PTPRZ1: variants seen among roughly 807,000 people sequenced by gnomAD.
The protein encoded by PTPRZ1 is protein tyrosine phosphatase receptor type Z1.
A neutral mutation model predicts 214.1 loss-of-function variants in PTPRZ1; 82 were observed. That is an observed-to-expected ratio of 0.38 (90% CI 0.32 to 0.46). PTPRZ1 has a LOEUF of 0.46. Among genes scored for constraint, PTPRZ1 ranks in the 20% least tolerant of loss-of-function variants. The probability of loss-of-function intolerance (pLI) is 1.00; values close to 1 mark genes in which losing one functional copy is unlikely to be tolerated. For missense variants in PTPRZ1, 2,603 were observed against 2,748.7 expected, an observed-to-expected ratio of 0.95 and a Z score of 1.19; for synonymous variants, 945 against 987.9, an observed-to-expected ratio of 0.96 and a Z score of 0.81.
chr7:121,996,239 A>G, intron 8 of PTPRZ1, 143 bp from the exon 9 acceptor site: 1 of 576,376 alleles, frequency 1.7e-6, no homozygotes, highest in Non-Finnish European at 2.9e-6. Context: ...GAAATGGAAT[A>G]AGCAAAAGCT....
chr7:121,891,453 T>C (rs1281827901), intron 1 of PTPRZ1, among the ~76,000 whole-genome samples: 4 of 81,426 alleles, frequency 4.9e-5, no homozygotes, highest in African/African-American at 1.8e-4. Flanking sequence ...AACAACCTCT[T>C]TTTTTTTTTT....
chr7:121,904,911 T>G (rs905785770), intron 1 of PTPRZ1, among the ~76,000 whole-genome samples: 4 of 152,172 alleles, frequency 2.6e-5, no homozygotes, highest in African/African-American at 9.7e-5. Context: ...TCTTTTAGCT[T>G]TTACATGAAC....
intron 27 of PTPRZ1, among the ~76,000 whole-genome samples, chr7:122,058,172 G>T (rs546226110): frequency 1.3e-5 from 2 of 151,666 alleles, no homozygotes; most frequent in South Asian, 4.2e-4. Context: ...TTGGCCCTTT[G>T]CACTTTTATG....
chr7:121,999,165 G>A (rs1389258788), intron 10 of PTPRZ1, among the ~76,000 whole-genome samples: 1 of 152,120 alleles, frequency 6.6e-6, no homozygotes, highest in Non-Finnish European at 1.5e-5. Flanking sequence ...AACGACTAAT[G>A]AATATTACTA....
At position 122,010,835 on chromosome 7, in the gene PTPRZ1, C is replaced by T; in HGVS notation, c.1789C>T (p.Pro597Ser). 6.2e-7 allele frequency: 1 copy of T among 1,614,092 alleles called. No homozygotes were observed. Among genetic ancestry groups the T allele is most frequent in the Non-Finnish European group, 8.5e-7 (1 of 1,179,990 alleles). Residue 597 changes from proline (P) to serine (S), a missense_variant, in exon 12 of 30, where the codon CCA becomes TCA. Around this residue, in one of 6 missense-constraint regions of PTPRZ1, gnomAD observed 1,913 missense variants for 1,914.3 expected, o/e 1.00. Transcript: ENST00000393386. Reference sequence around the variant, plus strand: ...CTCCAGTCCCGCAACTTCTGCTATCCCATTCATCTCTGAGAACATATCCCA... The same window carrying T: ...CTCCAGTCCCGCAACTTCTGCTATCTCATTCATCTCTGAGAACATATCCCA... The part of the protein sequence containing the change: ...SGSSPATSAI[P>S]FISENISQGY...
intron 23 of PTPRZ1, among the ~76,000 whole-genome samples, chr7:122,050,050 T>C (rs947740279): frequency 6.6e-5 from 10 of 152,186 alleles, no homozygotes; most frequent in Admixed American, 2.6e-4. Context: ...AGTAACATTG[T>C]ATCTCTACCA....
chr7:121,982,703 T>C (rs868460902), intron 6 of PTPRZ1, among the ~76,000 whole-genome samples: 1 of 152,350 alleles, frequency 6.6e-6, no homozygotes, highest in Middle Eastern at 3.4e-3. Flanking sequence ...AATTGATTTT[T>C]GTATATTGAT....
intron 2 of PTPRZ1, among the ~76,000 whole-genome samples, chr7:121,966,040 G>A (rs901165287): frequency 2.0e-5 from 3 of 152,150 alleles, no homozygotes; most frequent in South Asian, 4.1e-4. Flanking sequence ...GAGATAAGAA[G>A]AGGTCTGATT....
chr7:122,051,610 C>A, intron 24 of PTPRZ1, 89 bp downstream of exon 24: 1 of 1,062,098 alleles, frequency 9.4e-7, no homozygotes, highest in Non-Finnish European at 1.4e-6. Context: ...ACCTTTGGAG[C>A]AAATGGAGCA....
rs771340035 is a variant in PTPRZ1 at position 122,011,379 on chromosome 7, A to G, written c.2333A>G (p.Asn778Ser). Residue 778 changes from asparagine to serine, a missense_variant, in exon 12 of 30, where the codon AAT (asparagine) becomes AGT (serine). Physicochemically the swap from Asn to Ser is conservative, Grantham distance 46. This residue lies in a region of PTPRZ1 where 1,913 missense variants were observed against 1,914.3 expected (regional missense o/e 1.00). Transcript: ENST00000393386. ...FPLVTPLLLD[N>S]QILNTTPAAS... ...CTAGTCACCCCTTTGTTGCTTGACAATCAGATCCTCAACACTACCCCTGCT... is the reference window on the plus strand; with the variant it reads ...CTAGTCACCCCTTTGTTGCTTGACAGTCAGATCCTCAACACTACCCCTGCT... 1.4e-5 allele frequency: 22 copies of G among 1,613,960 alleles called. No individual in the cohort carries two copies. Among genetic ancestry groups the G allele is most frequent in the African/African-American group, 2.7e-5 (2 of 74,922 alleles).
At chr7:121,938,887 C>G (rs68172678) in intron 2 of PTPRZ1, among the ~76,000 whole-genome samples, 29,606 of 151,718 alleles carry the variant, frequency 0.2, 3,052 homozygotes, top group Admixed American at 0.24. Flanking sequence ...CTGCTTTTAT[C>G]TCAATAGTAG....
intron 23 of PTPRZ1, among the ~76,000 whole-genome samples, chr7:122,048,357 G>A (rs1260625892): frequency 6.6e-6 from 1 of 151,738 alleles, no homozygotes; most frequent in Non-Finnish European, 1.5e-5. Context: ...ATAATATTGA[G>A]ATTAAAAAAA....
intron 2 of PTPRZ1, among the ~76,000 whole-genome samples, chr7:121,957,298 C>CT (rs1361514419): frequency 2.6e-5 from 4 of 152,116 alleles, no homozygotes; most frequent in Non-Finnish European, 4.4e-5. Flanking sequence ...TTCGCATCCC[C>CT]TTCAGCCTTT....
rs982381921 is a variant in PTPRZ1, at chr7:122,028,739, G to A, written c.5080+96G>A. 4.5e-5 allele frequency: 41 copies of A among 913,268 alleles called. 1 individual carries two copies. In the African/African-American group the frequency reaches 6.2e-4, roughly 14 times the overall value. The allele number at this position is 913,268 out of a possible 1,614,324, so 56.6% of individuals were successfully genotyped here. ...TTTTTATCGGGACACTATGCAAATT[G>A]CTATAATGTAGATTAGTAAATTTTT... On this transcript the variant is annotated intron_variant, in intron 14 of 29. Coordinates refer to ENST00000393386, the MANE Select transcript of PTPRZ1 (RefSeq NM_002851.3).
At chr7:122,023,539 TTATATATAATTA>T (rs1169864368) in intron 13 of PTPRZ1, among the ~76,000 whole-genome samples, 1 of 134,588 alleles carries the variant, frequency 7.4e-6, no homozygotes, top group Non-Finnish European at 1.5e-5. Flanking sequence ...ATATATAATT[TTATATATAATTA>T]TATATATTAT....
chr7:122,019,339 G>T (rs1027631594), intron 13 of PTPRZ1, 71 bp downstream of exon 13: 13 of 1,424,444 alleles, frequency 9.1e-6, no homozygotes, highest in African/African-American at 2.9e-5. Flanking sequence ...CATCTGAAAG[G>T]TCTTCAAAGC....
In PTPRZ1 at chr7:122,011,656, G is replaced by A. The variant is rs763955731; in HGVS notation, c.2610G>A (p.Glu870=). The A allele has an allele frequency of 6.8e-6, 11 of 1,613,918 alleles. No homozygotes were observed. Among genetic ancestry groups the A allele is most frequent in the Admixed American group, 1.7e-5 (1 of 59,984 alleles). ...TGGCTGGGGGTGATTTGCTATTAGA[G>A]CCCAGCCTTGCTCAGTATTCTGATG... ...LPVAGGDLLL[E]PSLAQYSDVL... is the part of the protein sequence containing the mutation. Residue 870 remains glutamate (E), a synonymous_variant, in exon 12 of 30, where the codon GAG becomes GAA. Transcript: ENST00000393386.
chr7:122,001,523 A>G (rs992181375), intron 10 of PTPRZ1, among the ~76,000 whole-genome samples: 2 of 152,188 alleles, frequency 1.3e-5, no homozygotes, highest in Non-Finnish European at 2.9e-5. Context: ...AAGTCACCAT[A>G]CATCTGTCCT....
chr7:121,950,170 T>G (rs1796508673), intron 2 of PTPRZ1, among the ~76,000 whole-genome samples: 1 of 152,130 alleles, frequency 6.6e-6, no homozygotes, highest in Non-Finnish European at 1.5e-5. Flanking sequence ...TGCAGGAGAA[T>G]GCCTGCTTTT....
Sources: allele counts gnomAD v4.1 joint callset (sites outside exome capture counted in the v4.1 genomes callset), GRCh38; gene constraint gnomAD v4.1.1; regional missense constraint gnomAD v4.1.1; transcripts MANE v1.5; gene names NCBI Gene and HGNC (gene_info 2026-07-23, HGNC 2026-07-21).